SLC4A1AP: variants seen among roughly 807,000 people sequenced by gnomAD.
SLC4A1AP encodes kanadaptin.
Under a neutral mutation model 89.7 loss-of-function variants are expected in SLC4A1AP, and 64 were observed. The observed-to-expected ratio is 0.71, with a 90% CI of 0.58 to 0.88. The LOEUF (loss-of-function observed/expected upper bound fraction) is 0.88. Among genes scored for constraint, SLC4A1AP ranks in the 40% least tolerant of loss-of-function variants. The pLI, the probability that SLC4A1AP is intolerant of heterozygous loss-of-function variation, is 0.00. For missense variants in SLC4A1AP, 931 were observed against 965.0 expected, an observed-to-expected ratio of 0.96 and a Z score of 0.47; for synonymous variants, 366 against 353.3, an observed-to-expected ratio of 1.04 and a Z score of -0.40.
exon 5 of SLC4A1AP, chr2:27,669,359 C>T (rs774065673): frequency 2.5e-6 from 4 of 1,612,318 alleles, no homozygotes; most frequent in Non-Finnish European, 3.4e-6. Flanking sequence ...GGATTCTTGA[C>T]ACTTTGGGAT....
intron 5 of SLC4A1AP, among the ~76,000 whole-genome samples, chr2:27,670,279 T>C (rs565262649): frequency 1.4e-4 from 21 of 152,184 alleles, no homozygotes; most frequent in Non-Finnish European, 1.9e-4. Flanking sequence ...ATTACAGGCA[T>C]GAGCCACTGC....
intron 6 of SLC4A1AP, among the ~76,000 whole-genome samples, chr2:27,676,688 G>A (rs1675529014): frequency 1.3e-5 from 2 of 151,896 alleles, no homozygotes; most frequent in Admixed American, 1.3e-4. Flanking sequence ...AAATTAGACA[G>A]GCGTGGTGGT....
chr2:27,685,089 A>C, exon 10 of SLC4A1AP: 2 of 1,613,846 alleles, frequency 1.2e-6, no homozygotes, highest in Non-Finnish European at 1.7e-6. Flanking sequence ...AGAATGAAAG[A>C]TGAGCCTGAA....
chr2:27,665,935 G>A lies in SLC4A1AP; in HGVS notation c.1021+640G>A, dbSNP rs527583414. On this transcript the variant is annotated intron_variant, in intron 2 of 13. Transcript: ENST00000613058. The stretch of plus-strand genomic sequence containing the variant: ...AAACCATAAGTATGCTAGAGTGAAA[G>A]TTTGGAGAAGAGAGAACAGTCACTG... 1.6e-3 allele frequency among the ~76,000 whole-genome samples: 238 copies of A among 152,336 alleles called. 1 individual carries two copies. The highest frequency in any genetic ancestry group is 5.5e-3 in the African/African-American group (227 of 41,574).
chr2:27,663,954 CAAG>C, exon 1 of SLC4A1AP: 1 of 1,614,220 alleles, frequency 6.2e-7, no homozygotes, highest in South Asian at 1.1e-5. Flanking sequence ...CCTGGCGTCG[CAAG>C]ACCTCAGTGG....
intron 5 of SLC4A1AP, among the ~76,000 whole-genome samples, chr2:27,670,111 C>T (rs1407191522): frequency 6.6e-6 from 1 of 152,180 alleles, no homozygotes; most frequent in South Asian, 2.1e-4. Context: ...GATCCACCTG[C>T]CTCGGCCTCC....
intron 13 of SLC4A1AP, among the ~76,000 whole-genome samples, chr2:27,694,368 A>G (rs1202611316): frequency 6.6e-6 from 1 of 152,178 alleles, no homozygotes; most frequent in Admixed American, 6.5e-5. Flanking sequence ...ACTTCCTCAT[A>G]TGTTCATCAC....
chr2:27,673,395 T>G, intron 5 of SLC4A1AP, among the ~76,000 whole-genome samples: 1 of 115,850 alleles, frequency 8.6e-6, no homozygotes, highest in Non-Finnish European at 1.8e-5. Flanking sequence ...TTCCTTTCCC[T>G]TACTTTCCCT....
At position 27,674,426 on chromosome 2, in the gene SLC4A1AP, G is replaced by T. The variant is rs529063226; in HGVS notation, c.1346-1106G>T. On this transcript the variant is annotated intron_variant, in intron 5 of 13. Transcript: ENST00000613058. ...ATATTTATAGAATAAATTCCTAGAA[G>T]TGGAATTGCTGGATCAATGCATTTT... Among the ~76,000 whole-genome samples the T allele has an allele frequency of 2.7e-4, 41 of 152,276 alleles. No homozygotes were observed. The East Asian group carries it at 5.0e-3, about 19-fold the overall frequency.
Position 27,685,047 on chromosome 2 carries a change from C to G in SLC4A1AP, c.1886C>G (p.Pro629Arg), listed in dbSNP as rs772898260. 47 of 1,603,794 alleles carry G rather than the reference C, an allele frequency of 2.9e-5. No individual in the cohort carries two copies. The highest frequency in any genetic ancestry group is 3.5e-5 in the Non-Finnish European group (41 of 1,176,700). Residue 629 changes from proline (P) to arginine (R), a missense_variant, in exon 10 of 14, where the codon CCC (proline) becomes CGC (arginine). Pro to Arg is a moderately radical substitution (Grantham distance 103). Coordinates refer to ENST00000613058, the Ensembl canonical transcript of SLC4A1AP. ...TTGTTTCCCTCTTAGAAGTTACCCC[C>G]CAAGCGTCCAGAACTCCCTCCAACT...
At chr2:27,682,670 G>A (rs1005471430) in intron 9 of SLC4A1AP, among the ~76,000 whole-genome samples, 3 of 151,870 alleles carry the variant, frequency 2.0e-5, no homozygotes, top group Admixed American at 6.6e-5. Context: ...GACTACAGGC[G>A]TGCTCCACCA....
chr2:27,677,188 T>C, intron 6 of SLC4A1AP, 107 bp from the exon 7 acceptor site: 1 of 803,766 alleles, frequency 1.2e-6, no homozygotes, highest in South Asian at 1.6e-5. Context: ...AACTGGACTT[T>C]TGAATTAATC....
At chr2:27,683,168 T>C (rs1005523583) in intron 9 of SLC4A1AP, among the ~76,000 whole-genome samples, 1 of 152,234 alleles carries the variant, frequency 6.6e-6, no homozygotes, top group Admixed American at 6.5e-5. Flanking sequence ...ACCAGCGTTA[T>C]GTAACTAAGC....
At chr2:27,675,618 A>G (rs763257485) in exon 6 of SLC4A1AP, 1 of 1,611,836 alleles carries the variant, frequency 6.2e-7, no homozygotes, top group Non-Finnish European at 8.5e-7. Context: ...GACTGGCCTG[A>G]TTGAGAAGAA....
chr2:27,672,445 A>G (rs1163737770), intron 5 of SLC4A1AP, among the ~76,000 whole-genome samples: 2 of 152,068 alleles, frequency 1.3e-5, no homozygotes, highest in Non-Finnish European at 2.9e-5. Flanking sequence ...TTCATGCCAG[A>G]GAAGGCTCAG....
At chr2:27,669,338 G>GGAA (rs1273865007) in exon 5 of SLC4A1AP, 1 of 1,613,452 alleles carries the variant, frequency 6.2e-7, no homozygotes, top group South Asian at 1.1e-5. Flanking sequence ...AGTGCTCATT[G>GGAA]GAAGCTTGTC....
Position 27,677,940 on chromosome 2 carries a change from A to G in SLC4A1AP, c.1763+16A>G. On this transcript the variant is annotated intron_variant, in intron 8 of 13. Coordinates refer to ENST00000613058, the Ensembl canonical transcript of SLC4A1AP. ...AACTAAAAAAGTAAGTCTTAGTTAT[A>G]TTTGGAATTCTAAATAAGTATGGTA... 1 of 1,529,652 alleles carries G rather than the reference A, an allele frequency of 6.5e-7. No homozygotes were observed. The highest frequency in any genetic ancestry group is 8.9e-7 in the Non-Finnish European group (1 of 1,124,974). The allele number at this position is 1,529,652 out of a possible 1,614,324, so 94.8% of individuals were successfully genotyped here.
chr2:27,682,463 T>C, intron 9 of SLC4A1AP, 104 bp downstream of exon 9: 1 of 660,638 alleles, frequency 1.5e-6, no homozygotes, highest in African/African-American at 1.8e-5. Context: ...TCCATAGTAA[T>C]GTGAGAAAGG....
intron 8 of SLC4A1AP, 23 bp from the exon 9 acceptor site, chr2:27,682,225 G>A (rs1278973018): frequency 8.6e-6 from 13 of 1,507,538 alleles, no homozygotes; most frequent in South Asian, 1.2e-5. Context: ...GAATAGATGT[G>A]TATAATTATT....
Sources: gnomAD v4.1 joint callset for allele counts (sites outside exome capture counted in the v4.1 genomes callset) on GRCh38, gnomAD v4.1.1 for gene constraint, MANE v1.5 for transcripts, NCBI Gene and HGNC (gene_info 2026-07-23, HGNC 2026-07-21) for gene names.